SVBP: variants seen among roughly 807,000 people sequenced by gnomAD.
SVBP encodes the protein small vasohibin binding protein, also known as small vasohibin-binding protein.
In SVBP, 9 loss-of-function variants were observed where a neutral mutation model predicts 9.2. That is an observed-to-expected ratio of 0.98 (90% CI 0.59 to 1.71). The LOEUF (loss-of-function observed/expected upper bound fraction) is 1.71. Among genes scored for constraint, SVBP ranks in the 40% most tolerant of loss-of-function variants. SVBP has a pLI of 0.00. For synonymous variants in SVBP, 27 were observed against 23.9 expected (o/e 1.13, Z -0.37); for missense variants, 63 against 73.2 (o/e 0.86, Z 0.51).
At position 42,809,231 on chromosome 1, in the gene SVBP, G is replaced by GA. The variant is rs1272109462; in HGVS notation, c.115-1732dup. The GA allele has an allele frequency of 3.3e-5, 5 of 151,716 alleles. No homozygotes were observed. In the East Asian group the frequency reaches 9.7e-4, roughly 29 times the overall value. The allele number at this position is 151,716 out of a possible 1,614,324, so 9.4% of individuals were successfully genotyped here. Reference sequence around the variant, plus strand: ...TCACAAAACTTCCTAATTTGTAGAAGAAAAAAATGAAAGACAGAGTGTGTG... The same window carrying GA: ...TCACAAAACTTCCTAATTTGTAGAAGAAAAAAAATGAAAGACAGAGTGTGTG... On this transcript the variant is annotated intron_variant, in intron 2 of 2. Coordinates refer to ENST00000372521, the MANE Select transcript of SVBP (RefSeq NM_199342.4).
In SVBP at chr1:42,807,169, T is replaced by TTTTTA. The variant is rs1553147635; in HGVS notation, c.*244_*245insTAAAA. The TTTTTA allele has an allele frequency of 1.1e-5, 3 of 268,658 alleles. No homozygotes were observed. The highest frequency in any genetic ancestry group is 6.8e-5 in the African/African-American group (3 of 44,340). 16.6% of individuals were successfully genotyped at this position (268,658 alleles called of 1,614,324 possible). A position where few individuals can be genotyped will look rare whatever the true frequency, so the allele number is the denominator to read the frequency against. Reference sequence around the variant, plus strand: ...TTTGTGTGTGTTTTTTTTTTTTTTTTAAAAAAACCCAAAAAACAAAACCAC... The same window carrying TTTTTA: ...TTTGTGTGTGTTTTTTTTTTTTTTTTTTTTAAAAAAAACCCAAAAAACAAAACCAC... On this transcript the variant is annotated 3_prime_UTR_variant, in exon 3 of 3. Coordinates refer to ENST00000372521, the MANE Select transcript of SVBP (RefSeq NM_199342.4).
chr1:42,810,631 T>A (rs939044836), intron 2 of SVBP, among the ~76,000 whole-genome samples: 5 of 151,976 alleles, frequency 3.3e-5, no homozygotes, highest in Admixed American at 3.3e-4. Flanking sequence ...GGTCAGGGTG[T>A]CCAGGCCAAA....
chr1:42,815,925 AAAAT>A (rs1414237044), intron 2 of SVBP, among the ~76,000 whole-genome samples: 2 of 152,228 alleles, frequency 1.3e-5, no homozygotes, highest in East Asian at 3.8e-4. Context: ...ATTAAATACT[AAAAT>A]AAAATACTTA....
intron 2 of SVBP, chr1:42,813,618 G>A: frequency 1.9e-6 from 1 of 529,878 alleles, no homozygotes; most frequent in South Asian, 1.4e-5. Flanking sequence ...TTTGATTGGT[G>A]TGAGGTAACC....
rs970915755 is a variant in SVBP, at chr1:42,807,452, C to T, written c.163G>A (p.Asp55Asn). The T allele has an allele frequency of 8.1e-6, 13 of 1,614,064 alleles. No homozygotes were observed. Among genetic ancestry groups the T allele is most frequent in the Non-Finnish European group, 1.1e-5 (13 of 1,179,946 alleles). ...GGCTGCATCTGTTTACAGAACTCATCAAACTGCTGCTGCTCCAGTTCTGTC... is the reference window on the plus strand; with the variant it reads ...GGCTGCATCTGTTTACAGAACTCATTAAACTGCTGCTGCTCCAGTTCTGTC... ...VMTELEQQQF[D>N]EFCKQMQPPG... Residue 55 changes from aspartate (D) to asparagine (N), a missense_variant, in exon 3 of 3, where the codon GAT becomes AAT. Asp to Asn is a conservative substitution (Grantham distance 23). Coordinates refer to ENST00000372521, the MANE Select transcript of SVBP (RefSeq NM_199342.4).
intron 1 of SVBP, 59 bp from the exon 2 acceptor site, chr1:42,816,639 C>T: frequency 1.2e-6 from 1 of 845,912 alleles, no homozygotes; most frequent in East Asian, 2.5e-5. Flanking sequence ...AATACCCTGC[C>T]AGTTACTCCT....
chr1:42,815,693 T>C (rs1041524762), intron 2 of SVBP, among the ~76,000 whole-genome samples: 6 of 152,026 alleles, frequency 3.9e-5, no homozygotes, highest in African/African-American at 1.2e-4. Flanking sequence ...TAAAAAACAA[T>C]GTAAGCAAAA....
Position 42,810,381 on chromosome 1 carries a change from C to T in SVBP, c.115-2881G>A, listed in dbSNP as rs562284292. Among the ~76,000 whole-genome samples the T allele has an allele frequency of 7.9e-5, 12 of 152,128 alleles. No homozygotes were observed. The South Asian group carries it at 1.7e-3, about 21-fold the overall frequency. ...CAGGATGGTCTTGATCTCCTGACCT[C>T]GTGATCTGCCCACCTTGGCCTCCCA... is the stretch of plus-strand genomic sequence containing the variant. On this transcript the variant is annotated intron_variant, in intron 2 of 2. Coordinates refer to ENST00000372521, the MANE Select transcript of SVBP (RefSeq NM_199342.4).
chr1:42,817,286 A>T lies in SVBP; in HGVS notation c.-133T>A. Reference sequence around the variant, plus strand: ...TCGCCTTCCCCCGACCACTGGACCCAGCGCTGCCTGCCCACCGCCCCTCGT... The same window carrying T: ...TCGCCTTCCCCCGACCACTGGACCCTGCGCTGCCTGCCCACCGCCCCTCGT... On this transcript the variant is annotated 5_prime_UTR_variant, in exon 1 of 3. Coordinates refer to ENST00000372521, the MANE Select transcript of SVBP (RefSeq NM_199342.4). 1 of 1,215,682 alleles carries T rather than the reference A, an allele frequency of 8.2e-7. No homozygotes were observed. The highest frequency in any genetic ancestry group is 1.6e-5 in the African/African-American group (1 of 61,250). 75.3% of individuals were successfully genotyped at this position (1,215,682 alleles called of 1,614,324 possible).
chr1:42,808,120 A>G (rs1386822688), intron 2 of SVBP, among the ~76,000 whole-genome samples: 1 of 136,646 alleles, frequency 7.3e-6, no homozygotes, highest in Admixed American at 7.6e-5. Flanking sequence ...TGTGCAGGGG[A>G]GCAATGTGAA....
At chr1:42,811,954 A>G (rs1164864345) in intron 2 of SVBP, among the ~76,000 whole-genome samples, 1 of 152,070 alleles carries the variant, frequency 6.6e-6, no homozygotes, top group Non-Finnish European at 1.5e-5. Flanking sequence ...CATAATTACT[A>G]TGTGTACATA....
chr1:42,813,349 AG>A (rs768661136), intron 2 of SVBP: 35 of 350,384 alleles, frequency 1.0e-4, no homozygotes, highest in Non-Finnish European at 1.7e-4. Context: ...TTGGTTCTTC[AG>A]AAAAAATACG....
At chr1:42,809,661 T>C (rs1017299633) in intron 2 of SVBP, among the ~76,000 whole-genome samples, 1 of 152,210 alleles carries the variant, frequency 6.6e-6, no homozygotes, top group South Asian at 2.1e-4. Flanking sequence ...CTGTCATCTT[T>C]AAGAAAAATG....
chr1:42,808,153 A>ATG (rs1364841875), intron 2 of SVBP, among the ~76,000 whole-genome samples: 1 of 65,788 alleles, frequency 1.5e-5, no homozygotes, highest in Non-Finnish European at 3.3e-5. Context: ...GTGTGTGTAT[A>ATG]TATATATATA....
chr1:42,811,968 A>G (rs2124247951), intron 2 of SVBP, among the ~76,000 whole-genome samples: 1 of 152,276 alleles, frequency 6.6e-6, no homozygotes, highest in South Asian at 2.1e-4. Flanking sequence ...GTACATAGAC[A>G]ATTAAGAATA....
intron 2 of SVBP, among the ~76,000 whole-genome samples, chr1:42,809,714 A>G (rs1654037748): frequency 6.6e-6 from 1 of 152,218 alleles, no homozygotes; most frequent in African/African-American, 2.4e-5. Flanking sequence ...CACTACCGCA[A>G]ATGATTCTTG....
intron 2 of SVBP, among the ~76,000 whole-genome samples, chr1:42,814,911 A>G (rs1296597420): frequency 1.3e-5 from 2 of 152,128 alleles, no homozygotes; most frequent in African/African-American, 2.4e-5. Context: ...ATAAAGACAC[A>G]TGCACACGTA....
intron 2 of SVBP, among the ~76,000 whole-genome samples, chr1:42,808,206 ATATAAGT>A (rs1654008151): frequency 1.4e-5 from 2 of 140,052 alleles, no homozygotes; most frequent in African/African-American, 2.6e-5. Context: ...TATATAGCTT[ATATAAGT>A]TATAAGTAGA....
chr1:42,808,162 TATATATATATATATATAC>T lies in SVBP; in HGVS notation c.115-680_115-663del, dbSNP rs1192775794. On this transcript the variant is annotated intron_variant, in intron 2 of 2. Transcript: ENST00000372521. ...GTGTGTGTGTGTGTATATATATATATATATATATATATATATACATACTATGTATAGTATATATAGCTT... is the reference window on the plus strand; with the variant it reads ...GTGTGTGTGTGTGTATATATATATATATACTATGTATAGTATATATAGCTT... 7.3e-3 allele frequency among the ~76,000 whole-genome samples: 909 copies of T among 124,890 alleles called. 40 individuals carry two copies. The highest frequency in any genetic ancestry group is 0.028 in the African/African-American group (705 of 25,600). The allele number at this position is 124,890 out of a possible 152,430, so 81.9% of individuals were successfully genotyped here.
Sources: allele counts gnomAD v4.1 joint callset (sites outside exome capture counted in the v4.1 genomes callset), GRCh38; gene constraint gnomAD v4.1.1; transcripts MANE v1.5; gene names NCBI Gene and HGNC (gene_info 2026-07-23, HGNC 2026-07-21).